DEPTOR: variants seen among roughly 807,000 people sequenced by gnomAD.
The protein encoded by DEPTOR is DEP domain-containing mTOR-interacting protein.
Under a neutral mutation model 41.6 loss-of-function variants are expected in DEPTOR, and 41 were observed. The observed-to-expected ratio is 0.98, with a 90% CI of 0.77 to 1.28. The LOEUF is 1.28. Among genes scored for constraint, DEPTOR ranks in the 50% most tolerant of loss-of-function variants. The pLI is 0.00. For missense variants in DEPTOR, 514 were observed against 527.9 expected, an observed-to-expected ratio of 0.97 and a Z score of 0.26; for synonymous variants, 195 against 192.3, an observed-to-expected ratio of 1.01 and a Z score of -0.12.
chr8:119,960,223 C>CAA (rs1298586426), intron 3 of DEPTOR, among the ~76,000 whole-genome samples: 1 of 137,792 alleles, frequency 7.3e-6, no homozygotes, highest in African/African-American at 2.7e-5. Flanking sequence ...GACTCCCTCT[C>CAA]AAAAAAAAAA....
In DEPTOR at chr8:120,029,387, TTTTA is replaced by T. The variant is rs549676893; in HGVS notation, c.1102-20166_1102-20163del. Among the ~76,000 whole-genome samples the T allele has an allele frequency of 7.5e-4, 114 of 152,132 alleles. 2 individuals carry two copies. Among genetic ancestry groups the T allele is most frequent in the Admixed American group, 1.8e-3 (28 of 15,254 alleles). ...AATATGCTTTGAGTCTTGAGTTTTA[TTTTA>T]TTTATTTATTTATTTATTTATTGAG... On this transcript the variant is annotated intron_variant, in intron 8 of 8. Coordinates refer to ENST00000286234, the MANE Select transcript of DEPTOR (RefSeq NM_022783.4).
intron 4 of DEPTOR, among the ~76,000 whole-genome samples, chr8:119,991,076 TTCTTTCTTTC>T (rs1812159204): frequency 1.3e-5 from 1 of 75,534 alleles, no homozygotes; most frequent in Admixed American, 1.6e-4. Context: ...CTTTCTTTCT[TTCTTTCTTTC>T]TTTTTCTTTC....
chr8:120,024,412 A>C (rs1442374213), intron 8 of DEPTOR, among the ~76,000 whole-genome samples: 1 of 152,140 alleles, frequency 6.6e-6, no homozygotes, highest in African/African-American at 2.4e-5. Flanking sequence ...GTCCCCCAAA[A>C]AGATATGTTG....
intron 3 of DEPTOR, among the ~76,000 whole-genome samples, chr8:119,953,142 T>G (rs1828374677): frequency 6.6e-6 from 1 of 152,228 alleles, no homozygotes; most frequent in African/African-American, 2.4e-5. Context: ...TTTCCCTTTC[T>G]TGCTGTTGGG....
chr8:119,980,590 T>G (rs938927857), intron 4 of DEPTOR, among the ~76,000 whole-genome samples: 1 of 151,296 alleles, frequency 6.6e-6, no homozygotes. Context: ...CAATCTCGGC[T>G]CACTGCAACC....
intron 1 of DEPTOR, among the ~76,000 whole-genome samples, chr8:119,878,609 G>A (rs1827259183): frequency 6.6e-6 from 1 of 151,942 alleles, no homozygotes; most frequent in African/African-American, 2.4e-5. Flanking sequence ...TTATAGGCGT[G>A]AGCCACCATG....
chr8:119,928,125 G>A (rs1827985876), intron 1 of DEPTOR, among the ~76,000 whole-genome samples: 1 of 152,072 alleles, frequency 6.6e-6, no homozygotes, highest in African/African-American at 2.4e-5. Flanking sequence ...AGTAGGGGAT[G>A]GAGAGCTTTT....
At chr8:119,934,186 AC>A (rs112411454) in intron 3 of DEPTOR, among the ~76,000 whole-genome samples, 2,403 of 152,208 alleles carry the variant, frequency 0.016, 65 homozygotes, top group African/African-American at 0.055. Context: ...CGGCCTGGGT[AC>A]CCTGGCTTTC....
intron 4 of DEPTOR, among the ~76,000 whole-genome samples, chr8:119,975,484 G>A (rs1166160163): frequency 1.3e-5 from 2 of 152,202 alleles, no homozygotes; most frequent in African/African-American, 4.8e-5. Flanking sequence ...GAGTCAAGGA[G>A]CACAGTGCGG....
At chr8:119,904,418 G>A (rs894871626) in intron 1 of DEPTOR, among the ~76,000 whole-genome samples, 18 of 151,622 alleles carry the variant, frequency 1.2e-4, no homozygotes, top group Admixed American at 7.2e-4. Context: ...TGCGCCCGGC[G>A]TAAACCTCAG....
rs149124307 is a variant in DEPTOR at position 120,023,861 on chromosome 8, C to A, written c.1101+14728C>A. 1.2e-3 allele frequency among the ~76,000 whole-genome samples: 186 copies of A among 151,392 alleles called. 2 individuals carry two copies. Among genetic ancestry groups the A allele is most frequent in the African/African-American group, 4.1e-3 (169 of 41,268 alleles). The stretch of plus-strand genomic sequence containing the variant: ...AAGGTTACTTCAAGGTCTGAGACAG[C>A]TGCTAGAACTGTAGTGATTAGGTTT... On this transcript the variant is annotated intron_variant, in intron 8 of 8. Transcript: ENST00000286234.
intron 3 of DEPTOR, among the ~76,000 whole-genome samples, chr8:119,936,019 T>A (rs12056799): frequency 0.099 from 13,209 of 133,388 alleles, 665 homozygotes; most frequent in South Asian, 0.23. Flanking sequence ...TTTTTTTTTT[T>A]ATCCAAAGGG....
At chr8:120,002,791 A>AAAAAATATATATAT in intron 5 of DEPTOR, among the ~76,000 whole-genome samples, 186 bp from the exon 6 acceptor site, 1,053 of 60,476 alleles carry the variant, frequency 0.017, 23 homozygotes, top group Non-Finnish European at 0.023. Context: ...AAAAAAAAAA[A>AAAAAATATATATAT]ATATATATAT....
chr8:120,049,564 T>A lies in DEPTOR; in HGVS notation c.1102-12T>A, dbSNP rs1397575158. On this transcript the variant is annotated splice_polypyrimidine_tract_variant and intron_variant, in intron 8 of 8. Coordinates refer to ENST00000286234, the MANE Select transcript of DEPTOR (RefSeq NM_022783.4). ...CTATAATAGATGCTCTTTCTTTGCATCTTTCCTTTAGGTCTGTCAGTTTGT... is the reference window on the plus strand; with the variant it reads ...CTATAATAGATGCTCTTTCTTTGCAACTTTCCTTTAGGTCTGTCAGTTTGT... 1 of 1,612,058 alleles carries A rather than the reference T, an allele frequency of 6.2e-7. No individual in the cohort carries two copies. Among genetic ancestry groups the A allele is most frequent in the Non-Finnish European group, 8.5e-7 (1 of 1,178,600 alleles).
At chr8:119,909,611 A>T (rs574186567) in intron 1 of DEPTOR, among the ~76,000 whole-genome samples, 1 of 152,368 alleles carries the variant, frequency 6.6e-6, no homozygotes, top group South Asian at 2.1e-4. Context: ...ACAATTGCAA[A>T]CCATGCAGAA....
chr8:120,044,011 TAA>T (rs1318598997), intron 8 of DEPTOR, among the ~76,000 whole-genome samples: 9 of 144,958 alleles, frequency 6.2e-5, no homozygotes, highest in Non-Finnish European at 1.0e-4. Context: ...GACTCTGTCT[TAA>T]AAAAAGAGAT....
rs769960283 is a variant in DEPTOR at position 119,923,893 on chromosome 8, CT to C, written c.123-4495del. On this transcript the variant is annotated intron_variant, in intron 1 of 8. Transcript: ENST00000286234. The stretch of plus-strand genomic sequence containing the variant: ...TTTTCCTTTCTTTTCTTTTTTCTTT[CT>C]TTTTTTTTTTTGGTATTATTTTTGC... Among the ~76,000 whole-genome samples, 463 of 104,906 alleles carry C rather than the reference CT, an allele frequency of 4.4e-3. 1 individual carries two copies. Among genetic ancestry groups the C allele is most frequent in the African/African-American group, 9.1e-3 (300 of 32,874 alleles). 68.8% of individuals were successfully genotyped at this position (104,906 alleles called of 152,430 possible). A position where few individuals can be genotyped will look rare whatever the true frequency, so the allele number is the denominator to read the frequency against.
intron 3 of DEPTOR, among the ~76,000 whole-genome samples, chr8:119,948,204 G>T (rs2129917247): frequency 6.6e-6 from 1 of 152,216 alleles, no homozygotes; most frequent in East Asian, 1.9e-4. Flanking sequence ...AAGAGTAAGG[G>T]CCACGTCTTT....
intron 4 of DEPTOR, among the ~76,000 whole-genome samples, chr8:119,991,558 T>A (rs961438455): frequency 2.6e-5 from 4 of 152,184 alleles, no homozygotes; most frequent in Admixed American, 6.5e-5. Flanking sequence ...CCTCAAGTGG[T>A]CTGCCTGCCT....
Sources: gnomAD v4.1 joint callset for allele counts (sites outside exome capture counted in the v4.1 genomes callset) on GRCh38, gnomAD v4.1.1 for gene constraint, MANE v1.5 for transcripts, NCBI Gene and HGNC (gene_info 2026-07-23, HGNC 2026-07-21) for gene names.